Variants in PDE4D observed in about 807,000 individuals in gnomAD.
The protein encoded by PDE4D is 3',5'-cyclic-AMP phosphodiesterase 4D.
PDE4D carries 24 observed loss-of-function variants against 87.4 expected under a neutral mutation model. The ratio of observed to expected loss-of-function variants is 0.27; its 90% CI spans 0.20 to 0.39. PDE4D has a LOEUF of 0.39. Ranked by LOEUF, PDE4D falls within the 10% of genes least tolerant of loss-of-function variation. PDE4D has a pLI of 1.00. For missense variants in PDE4D, 714 were observed against 1,041.0 expected (o/e 0.69, Z 4.32); for synonymous variants, 384 against 383.2 (o/e 1.00, Z -0.02).
At chr5:60,024,414 C>T (rs1766407668) in intron 2 of PDE4D, among the ~76,000 whole-genome samples, 2 of 152,166 alleles carry the variant, frequency 1.3e-5, no homozygotes, top group African/African-American at 4.8e-5. Context: ...AGAACTGTCA[C>T]TCTGTATTTA....
intron 1 of PDE4D, among the ~76,000 whole-genome samples, chr5:59,711,598 G>A (rs1241698996): frequency 1.3e-5 from 2 of 151,954 alleles, no homozygotes; most frequent in African/African-American, 4.8e-5. Context: ...CAATCAAAAT[G>A]GATTGTTCAT....
At chr5:59,187,619 T>C (rs996560654) in intron 3 of PDE4D, among the ~76,000 whole-genome samples, 4 of 152,228 alleles carry the variant, frequency 2.6e-5, no homozygotes, top group African/African-American at 9.6e-5. Flanking sequence ...TTCCGGTCTC[T>C]CCTTCAGACA....
At chr5:58,990,961 C>T in intron 8 of PDE4D, 59 bp from the exon 9 acceptor site, 6 of 917,206 alleles carry the variant, frequency 6.5e-6, no homozygotes, top group Non-Finnish European at 1.0e-5. Flanking sequence ...AAATATGACT[C>T]AATGAACACA....
chr5:59,771,189 C>T (rs946779660), intron 1 of PDE4D, among the ~76,000 whole-genome samples: 7 of 150,594 alleles, frequency 4.6e-5, no homozygotes, highest in Non-Finnish European at 8.8e-5. Flanking sequence ...GATACTATGT[C>T]TCTATATCTG....
chr5:60,005,538 A>T (rs934605893), intron 2 of PDE4D, among the ~76,000 whole-genome samples: 3 of 152,006 alleles, frequency 2.0e-5, no homozygotes, highest in African/African-American at 4.8e-5. Context: ...GGATGGATGC[A>T]TTGATTAATT....
rs113696411 is a variant in PDE4D at position 59,124,980 on chromosome 5, C to CT, written c.808+55614dup. Among the ~76,000 whole-genome samples the CT allele has an allele frequency of 5.6e-3, 837 of 148,636 alleles. 5 individuals carry two copies. Among genetic ancestry groups the CT allele is most frequent in the African/African-American group, 0.019 (777 of 40,578 alleles). Reference sequence around the variant, plus strand: ...TTTCTGGGTACATTTCTTTTCTTTTCTTTTCTTTTTTTTTCAAATTAATTC... The same window carrying CT: ...TTTCTGGGTACATTTCTTTTCTTTTCTTTTTCTTTTTTTTTCAAATTAATTC... On this transcript the variant is annotated intron_variant, in intron 5 of 14. Transcript: ENST00000340635.
chr5:59,245,805 T>C (rs749122669), intron 1 of PDE4D, among the ~76,000 whole-genome samples: 1 of 151,954 alleles, frequency 6.6e-6, no homozygotes, highest in African/African-American at 2.4e-5. Flanking sequence ...CTCTGTGAGG[T>C]TGAATCAGAA....
chr5:59,332,046 T>C (rs560313016), intron 1 of PDE4D, among the ~76,000 whole-genome samples: 4 of 152,324 alleles, frequency 2.6e-5, no homozygotes, highest in African/African-American at 9.6e-5. Context: ...TATCTATGAA[T>C]AGAGAGCTCC....
intron 2 of PDE4D, among the ~76,000 whole-genome samples, chr5:59,200,341 C>A (rs1306796616): frequency 1.4e-4 from 14 of 98,446 alleles, no homozygotes; most frequent in East Asian, 3.3e-4. Flanking sequence ...GTATGTACAG[C>A]TACACGTATA....
intron 1 of PDE4D, among the ~76,000 whole-genome samples, chr5:59,854,020 T>C (rs1441270998): frequency 6.6e-6 from 1 of 152,066 alleles, no homozygotes; most frequent in Non-Finnish European, 1.5e-5. Context: ...ATTAATTCCT[T>C]AGGATAACTT....
At chr5:60,040,168 G>A (rs879333310) in intron 2 of PDE4D, among the ~76,000 whole-genome samples, 15 of 152,092 alleles carry the variant, frequency 9.9e-5, no homozygotes, top group East Asian at 3.8e-4. Context: ...TTTGATTAGC[G>A]TCTAAGCAAA....
intron 11 of PDE4D, among the ~76,000 whole-genome samples, chr5:58,983,950 T>C (rs573710784): frequency 6.6e-6 from 1 of 152,318 alleles, no homozygotes; most frequent in East Asian, 1.9e-4. Context: ...GGAGTCCACA[T>C]GGCAGATCAG....
At chr5:60,086,791 A>G (rs908332009) in intron 2 of PDE4D, among the ~76,000 whole-genome samples, 6 of 152,236 alleles carry the variant, frequency 3.9e-5, no homozygotes, top group African/African-American at 1.4e-4. Flanking sequence ...GGTATCCCAG[A>G]GGGCTGATTG....
At chr5:59,200,113 AC>A (rs575058148) in intron 2 of PDE4D, among the ~76,000 whole-genome samples, 8 of 130,050 alleles carry the variant, frequency 6.2e-5, no homozygotes, top group South Asian at 2.6e-4. Context: ...GTATGCACAC[AC>A]ATACATGCAT....
At chr5:59,849,823 T>G (rs1360127974) in intron 1 of PDE4D, among the ~76,000 whole-genome samples, 1 of 152,096 alleles carries the variant, frequency 6.6e-6, no homozygotes, top group East Asian at 1.9e-4. Context: ...TTGGATGACA[T>G]GGAATTTTTA....
intron 1 of PDE4D, among the ~76,000 whole-genome samples, chr5:59,507,248 C>T (rs1232461843): frequency 6.6e-6 from 1 of 152,124 alleles, no homozygotes; most frequent in Non-Finnish European, 1.5e-5. Context: ...AGGAGAATTG[C>T]TTGAACCCTG....
chr5:59,063,634 T>C (rs924342225), intron 5 of PDE4D: 1 of 152,190 alleles, frequency 6.6e-6, no homozygotes, highest in African/African-American at 2.4e-5. Context: ...TGATCCATCA[T>C]GAATGGCAGG....
intron 5 of PDE4D, 119 bp downstream of exon 5, chr5:59,180,476 A>G: frequency 1.2e-6 from 1 of 813,054 alleles, no homozygotes; most frequent in South Asian, 1.5e-5. Context: ...TGTAGAGAAG[A>G]AAGAATTTCT....
intron 1 of PDE4D, among the ~76,000 whole-genome samples, chr5:60,234,460 G>C (rs1161491390): frequency 6.6e-6 from 1 of 151,590 alleles, no homozygotes; most frequent in East Asian, 1.9e-4. Flanking sequence ...TATATACTAG[G>C]GAGTACAAAA....
Sources: allele counts gnomAD v4.1 joint callset (sites outside exome capture counted in the v4.1 genomes callset), GRCh38; gene constraint gnomAD v4.1.1; transcripts MANE v1.5; gene names NCBI Gene and HGNC (gene_info 2026-07-23, HGNC 2026-07-21).